SOHLH1: variants seen among roughly 807,000 people sequenced by gnomAD.
SOHLH1 encodes spermatogenesis and oogenesis specific basic helix-loop-helix 1.
Under a neutral mutation model 36.2 loss-of-function variants are expected in SOHLH1, and 23 were observed. That is an observed-to-expected ratio of 0.64 (90% confidence interval 0.46 to 0.90). SOHLH1 has a LOEUF of 0.90. Ranked by LOEUF, SOHLH1 falls within the 40% of genes least tolerant of loss-of-function variation. The pLI is 0.00. For missense variants in SOHLH1, 608 were observed against 517.0 expected (o/e 1.18, Z -1.71); for synonymous variants, 289 against 228.3 (o/e 1.27, Z -2.40).
rs138188914 is a variant in SOHLH1, at chr9:135,696,695, G to A, written c.578C>T (p.Ala193Val). Residue 193 changes from alanine to valine, a missense_variant, in exon 5 of 8, where the codon GCG becomes GTG. By Grantham distance (64) the Ala-to-Val change is moderately conservative. Transcript: ENST00000425225. ...GTCCGTGCCCAGGGACGTGCAGCTC[G>A]CGGGGTCCCACTGCCTGGAGGACGC... ...ILASSRQWDP[A>V]SCTSLGTDKC... 56 of 1,612,984 alleles carry A rather than the reference G, an allele frequency of 3.5e-5. No individual in the cohort carries two copies. In the African/African-American group the frequency reaches 5.7e-4, roughly 17 times the overall value.
intron 5 of SOHLH1, among the ~76,000 whole-genome samples, chr9:135,696,013 G>A (rs541144171): frequency 5.3e-5 from 8 of 152,120 alleles, no homozygotes; most frequent in South Asian, 4.1e-4. Context: ...AGCCACAGGC[G>A]GGTGAGAGAA....
intron 7 of SOHLH1, 96 bp from the exon 8 acceptor site, chr9:135,693,910 C>T: frequency 6.8e-7 from 1 of 1,476,528 alleles, no homozygotes; most frequent in East Asian, 2.5e-5. Flanking sequence ...CCACCTCAGT[C>T]CGTCTGCCCT....
chr9:135,696,536 T>G, intron 5 of SOHLH1, 76 bp downstream of exon 5: 2 of 1,531,074 alleles, frequency 1.3e-6, no homozygotes, highest in Non-Finnish European at 1.8e-6. Context: ...ACAGCCCCCA[T>G]TGTTCTTAGG....
At chr9:135,700,978 A>G (rs1370045290), upstream of SOHLH1, among the ~76,000 whole-genome samples, 1 of 152,196 alleles carries the variant, frequency 6.6e-6, no homozygotes. Context: ...ATTACTGCTA[A>G]TTAATCACAG....
Position 135,696,770 on chromosome 9 carries a change from C to A in SOHLH1, c.503G>T (p.Trp168Leu). Reference protein sequence around the residue: ...PDVKAFLESPWSLDPASASPE... With the variant: ...PDVKAFLESPLSLDPASASPE... Reference sequence around the variant, plus strand: ...GCTGGCCGACGCTGGATCCAGGGACCAAGGACTTTCCAGAAACGCCTTCAC... The same window carrying A: ...GCTGGCCGACGCTGGATCCAGGGACAAAGGACTTTCCAGAAACGCCTTCAC... Residue 168 changes from tryptophan (W) to leucine (L), a missense_variant, in exon 5 of 8, where the codon TGG (tryptophan) becomes TTG (leucine). By Grantham distance (61) the Trp-to-Leu change is moderately conservative. Transcript: ENST00000425225. The A allele has an allele frequency of 1.9e-6, 3 of 1,613,122 alleles. No individual in the cohort carries two copies. The highest frequency in any genetic ancestry group is 1.3e-5 in the African/African-American group (1 of 75,042).
At chr9:135,699,594 C>T (rs1042377903), upstream of SOHLH1, 24 of 1,020,742 alleles carry the variant, frequency 2.4e-5, no homozygotes, top group African/African-American at 4.7e-5. Context: ...ACTTGCAATC[C>T]GCCCCCATAG....
intron 7 of SOHLH1, chr9:135,694,168 C>G: frequency 7.0e-7 from 1 of 1,435,628 alleles, no homozygotes; most frequent in Non-Finnish European, 9.1e-7. Flanking sequence ...AGCTCTCATG[C>G]AGGCTCGTCC....
upstream of SOHLH1, among the ~76,000 whole-genome samples, chr9:135,700,243 G>T (rs2131300566): frequency 6.6e-6 from 1 of 152,264 alleles, no homozygotes; most frequent in East Asian, 1.9e-4. Flanking sequence ...GGGATCGCGG[G>T]GGTCCTGCCC....
At chr9:135,694,009 C>G in intron 7 of SOHLH1, 195 bp from the exon 8 acceptor site, 9 of 1,428,060 alleles carry the variant, frequency 6.3e-6, no homozygotes, top group Non-Finnish European at 8.2e-6. Flanking sequence ...GGACCAGAAC[C>G]AGGAACGGGC....
chr9:135,698,101 A>G (rs1834880917), intron 3 of SOHLH1, among the ~76,000 whole-genome samples: 1 of 152,152 alleles, frequency 6.6e-6, no homozygotes, highest in East Asian at 1.9e-4. Context: ...ACTCAGGGGC[A>G]CAGGAGGGCT....
chr9:135,694,913 A>T, intron 6 of SOHLH1, 137 bp downstream of exon 6: 1 of 1,007,674 alleles, frequency 9.9e-7, no homozygotes, highest in Non-Finnish European at 1.5e-6. Context: ...CCTCCCTCCC[A>T]CGGGCACAGA....
rs1473491597 is a variant in SOHLH1, at chr9:135,696,659, G to A, written c.614C>T (p.Ala205Val). The change falls in exon 5 of 8, where the codon GCA (alanine) becomes GTA (valine). Residue 205 changes from alanine to valine, a missense_variant. Physicochemically the swap from Ala to Val is moderately conservative, Grantham distance 64. Transcript: ENST00000425225. ...CCGCACCTGGCACAGCCCCAACAGT[G>A]CCTCACACTTGTCCGTGCCCAGGGA... ...CTSLGTDKCE[A>V]LLGLCQVRGG... 1 of 1,612,868 alleles carries A rather than the reference G, an allele frequency of 6.2e-7. No homozygotes were observed. The highest frequency in any genetic ancestry group is 1.1e-5 in the South Asian group (1 of 91,058).
chr9:135,697,581 AC>A lies in SOHLH1; in HGVS notation c.391del (p.Val131PhefsTer4). ...KEMWHSLQED[V>X]LQLTLSSQIQ... is the part of the protein sequence containing the mutation. Reference sequence around the variant, plus strand: ...CTGACTCGACAACGTCAACTGTAAAACATCCTCCTGCAACGAGTGCCACATT... The same window carrying A: ...CTGACTCGACAACGTCAACTGTAAAAATCCTCCTGCAACGAGTGCCACATT... On this transcript the variant is annotated frameshift_variant, in exon 4 of 8. Coordinates refer to ENST00000425225, the MANE Select transcript of SOHLH1 (RefSeq NM_001101677.2). LOFTEE classifies it high-confidence loss of function. 1.6e-5 allele frequency: 26 copies of A among 1,612,644 alleles called. No homozygotes were observed. Among genetic ancestry groups the A allele is most frequent in the Non-Finnish European group, 1.9e-5 (23 of 1,179,700 alleles).
chr9:135,697,815 C>T (rs1834866701), intron 3 of SOHLH1, among the ~76,000 whole-genome samples, 188 bp from the exon 4 acceptor site: 1 of 152,158 alleles, frequency 6.6e-6, no homozygotes, highest in South Asian at 2.1e-4. Context: ...CCCCACCATT[C>T]CTGAATCAGG....
At position 135,697,358 on chromosome 9, in the gene SOHLH1, G is replaced by A. The variant is rs901127542; in HGVS notation, c.467+148C>T. The A allele has an allele frequency of 6.7e-6, 8 of 1,199,838 alleles. No homozygotes were observed. In the African/African-American group the frequency reaches 9.1e-5, roughly 14 times the overall value. The allele number at this position is 1,199,838 out of a possible 1,614,324, so 74.3% of individuals were successfully genotyped here. ...TTGGTCACCTCACACCTGGCCACCT[G>A]AGTTGGCAGGGCCCTGGGCAGGTCA... On this transcript the variant is annotated intron_variant, in intron 4 of 7. Coordinates refer to ENST00000425225, the MANE Select transcript of SOHLH1 (RefSeq NM_001101677.2).
Position 135,697,562 on chromosome 9 carries a change from C to G in SOHLH1, c.411G>C (p.Ser137=). The change falls in exon 4 of 8, where the codon TCG becomes TCC. Residue 137 remains serine (S), a synonymous_variant. Coordinates refer to ENST00000425225, the MANE Select transcript of SOHLH1 (RefSeq NM_001101677.2). ...LQEDVLQLTL[S]SQIQAGVPDP... ...CTGGCACACCTGCTTGAATCTGACT[C>G]GACAACGTCAACTGTAAAACATCCT... 4 of 1,612,720 alleles carry G rather than the reference C, an allele frequency of 2.5e-6. No homozygotes were observed. Among genetic ancestry groups the G allele is most frequent in the Non-Finnish European group, 2.5e-6 (3 of 1,179,794 alleles).
At chr9:135,698,788 G>C (rs1474997754) in intron 2 of SOHLH1, among the ~76,000 whole-genome samples, 1 of 152,220 alleles carries the variant, frequency 6.6e-6, no homozygotes, top group Non-Finnish European at 1.5e-5. Flanking sequence ...AGCCTCAAGA[G>C]GCCAAGGCTT....
Position 135,699,074 on chromosome 9 carries a change from C to T in SOHLH1, c.118G>A (p.Gly40Ser). 1.2e-6 allele frequency: 2 copies of T among 1,610,778 alleles called. No homozygotes were observed. The highest frequency in any genetic ancestry group is 1.7e-6 in the Non-Finnish European group (2 of 1,179,568). ...SCCEDSARGS[G>S]PPKAPTVAEG... ...GCCACCGTAGGGGCCTTGGGCGGGC[C>T]CGAGCCCCGGGCCGAGTCCTCGCAG... The change falls in exon 2 of 8, where the codon GGC becomes AGC. Residue 40 changes from glycine (G) to serine (S), a missense_variant. Transcript: ENST00000425225.
upstream of SOHLH1, among the ~76,000 whole-genome samples, chr9:135,699,977 T>C (rs1480896945): frequency 2.0e-5 from 3 of 151,234 alleles, no homozygotes; most frequent in Non-Finnish European, 4.4e-5. Flanking sequence ...GCCTCCATTT[T>C]CCCCCAAATC....
Sources: gnomAD v4.1 joint callset for allele counts (sites outside exome capture counted in the v4.1 genomes callset) on GRCh38, gnomAD v4.1.1 for gene constraint, MANE v1.5 for transcripts, NCBI Gene and HGNC (gene_info 2026-07-23, HGNC 2026-07-21) for gene names.